The following RAD51B variants were observed in gnomAD, a reference collection of about 807,000 sequenced individuals.
RAD51B encodes RAD51 paralog B.
RAD51B carries 38 observed loss-of-function variants against 42.2 expected under a neutral mutation model. The observed-to-expected ratio is 0.90, with a 90% CI of 0.70 to 1.18. RAD51B has a LOEUF of 1.18. Among genes scored for constraint, RAD51B ranks in the 50% most tolerant of loss-of-function variants. The pLI, the probability that RAD51B is intolerant of heterozygous loss-of-function variation, is 0.00. For missense variants in RAD51B, 373 were observed against 400.7 expected (o/e 0.93, Z 0.59); for synonymous variants, 154 against 145.2 (o/e 1.06, Z -0.43).
chr14:68,395,171 C>G (rs558848282), intron 8 of RAD51B, among the ~76,000 whole-genome samples: 1 of 152,178 alleles, frequency 6.6e-6, no homozygotes, highest in Admixed American at 6.5e-5. Flanking sequence ...CCTCCTCTCC[C>G]GCCTCCCCTT....
chr14:67,927,701 G>GTA (rs1038062516), intron 7 of RAD51B, among the ~76,000 whole-genome samples: 3 of 129,784 alleles, frequency 2.3e-5, no homozygotes, highest in Admixed American at 1.4e-4. Flanking sequence ...GTATTTCATT[G>GTA]TATGTGTGTG....
At chr14:68,066,942 C>G (rs1300186527) in intron 7 of RAD51B, among the ~76,000 whole-genome samples, 1 of 151,838 alleles carries the variant, frequency 6.6e-6, no homozygotes, top group Non-Finnish European at 1.5e-5. Context: ...TCTAGCAGCA[C>G]ATTGAATGAT....
chr14:67,876,564 G>GAT (rs2042734249), intron 5 of RAD51B, among the ~76,000 whole-genome samples: 1 of 152,198 alleles, frequency 6.6e-6, no homozygotes, highest in Non-Finnish European at 1.5e-5. Flanking sequence ...TTAAGGCATA[G>GAT]ATAGTCACTT....
intron 10 of RAD51B, among the ~76,000 whole-genome samples, chr14:68,586,485 T>C (rs1420299590): frequency 1.3e-5 from 2 of 151,908 alleles, no homozygotes; most frequent in Non-Finnish European, 1.5e-5. Context: ...GTCCAATGAG[T>C]TCTAAGGGTG....
chr14:68,639,640 C>T (rs1892413608), intron 10 of RAD51B, among the ~76,000 whole-genome samples: 1 of 152,120 alleles, frequency 6.6e-6, no homozygotes, highest in African/African-American at 2.4e-5. Context: ...CAAAATAAGG[C>T]AGCTTGAGGG....
intron 8 of RAD51B, among the ~76,000 whole-genome samples, chr14:68,408,042 G>T (rs1956537): frequency 6.6e-6 from 1 of 151,900 alleles, no homozygotes; most frequent in Non-Finnish European, 1.5e-5. Context: ...AAAACAGAGG[G>T]TGGCTTTAGT....
Position 67,864,750 on chromosome 14 carries a change from T to C in RAD51B, c.316-253T>C, listed in dbSNP as rs1382612415. ...TTCTCATCTGAACTACAAAATACAGTGGATGATTTGAGTGACTATTTTCTC... is the reference window on the plus strand; with the variant it reads ...TTCTCATCTGAACTACAAAATACAGCGGATGATTTGAGTGACTATTTTCTC... On this transcript the variant is annotated intron_variant, in intron 4 of 10. Coordinates refer to ENST00000471583, the MANE Select transcript of RAD51B (RefSeq NM_133510.4). 6.6e-6 allele frequency: 4 copies of C among 601,968 alleles called. No individual in the cohort carries two copies. The East Asian group carries it at 1.6e-4, about 24-fold the overall frequency. The allele number at this position is 601,968 out of a possible 1,614,324, so 37.3% of individuals were successfully genotyped here.
intron 11 of RAD51B, among the ~76,000 whole-genome samples, chr14:68,673,926 T>C (rs2140157576): frequency 6.6e-6 from 1 of 151,504 alleles, no homozygotes. Context: ...CATATGTATA[T>C]GTGCACACAC....
At chr14:68,443,812 T>G (rs1191331900) in intron 9 of RAD51B, among the ~76,000 whole-genome samples, 1 of 152,084 alleles carries the variant, frequency 6.6e-6, no homozygotes, top group Non-Finnish European at 1.5e-5. Flanking sequence ...AGGACTGCAT[T>G]TTCCTATATG....
chr14:68,579,672 A>G (rs952384122), intron 10 of RAD51B, among the ~76,000 whole-genome samples: 12 of 152,130 alleles, frequency 7.9e-5, no homozygotes, highest in Non-Finnish European at 1.2e-4. Flanking sequence ...CATGTTTCCT[A>G]AACACACCGG....
At chr14:67,823,953 AG>A (rs761714688) in intron 2 of RAD51B, among the ~76,000 whole-genome samples, 12 of 152,274 alleles carry the variant, frequency 7.9e-5, no homozygotes, top group Non-Finnish European at 1.5e-4. Flanking sequence ...TTCTCTTAAA[AG>A]CAAAAGAAAT....
chr14:67,870,379 G>C (rs2042483749), intron 5 of RAD51B, among the ~76,000 whole-genome samples: 1 of 150,392 alleles, frequency 6.6e-6, no homozygotes, highest in Non-Finnish European at 1.5e-5. Context: ...TCAACAAGAA[G>C]AGCTAACTAT....
chr14:68,479,447 C>G (rs538457386), downstream of RAD51B, among the ~76,000 whole-genome samples: 1 of 152,134 alleles, frequency 6.6e-6, no homozygotes, highest in South Asian at 2.1e-4. Flanking sequence ...AGTGTTCACT[C>G]TCTACCCAGA....
At chr14:68,679,542 G>A (rs1160631500) in intron 11 of RAD51B, among the ~76,000 whole-genome samples, 3 of 152,228 alleles carry the variant, frequency 2.0e-5, no homozygotes, top group African/African-American at 7.2e-5. Flanking sequence ...CTGTTCTGGT[G>A]ATCACATGAA....
At chr14:68,151,849 TTTTTTTTTTTTG>T (rs1444250100) in intron 7 of RAD51B, among the ~76,000 whole-genome samples, 91 of 40,978 alleles carry the variant, frequency 2.2e-3, no homozygotes, top group East Asian at 8.9e-3. Context: ...TTTTTTTTTT[TTTTTTTTTTTTG>T]AGATGGAGTT....
chr14:67,957,856 A>G (rs1321030564), intron 7 of RAD51B, among the ~76,000 whole-genome samples: 1 of 152,232 alleles, frequency 6.6e-6, no homozygotes, highest in Non-Finnish European at 1.5e-5. Context: ...AGAAATTTAC[A>G]TTCTATTATT....
intron 4 of RAD51B, among the ~76,000 whole-genome samples, chr14:67,855,389 C>T (rs1370695380): frequency 7.2e-6 from 1 of 139,292 alleles, no homozygotes; most frequent in African/African-American, 2.7e-5. Flanking sequence ...CGCCACCACG[C>T]TTGGCTAATT....
intron 8 of RAD51B, among the ~76,000 whole-genome samples, chr14:68,313,669 A>AG (rs1353519137): frequency 1.3e-5 from 2 of 152,162 alleles, no homozygotes; most frequent in Admixed American, 6.5e-5. Context: ...CTTGGCACTC[A>AG]GGACCACATG....
chr14:68,636,419 C>A (rs1892341408), intron 10 of RAD51B, among the ~76,000 whole-genome samples: 1 of 151,894 alleles, frequency 6.6e-6, no homozygotes, highest in African/African-American at 2.4e-5. Flanking sequence ...CACGTCTCTA[C>A]TAAAAATACA....
Sources: gnomAD v4.1 joint callset for allele counts (sites outside exome capture counted in the v4.1 genomes callset) on GRCh38, gnomAD v4.1.1 for gene constraint, MANE v1.5 for transcripts, NCBI Gene and HGNC (gene_info 2026-07-23, HGNC 2026-07-21) for gene names.